Variants in SEMA6A observed in about 807,000 individuals in gnomAD.
SEMA6A encodes the protein semaphorin-6A.
A neutral mutation model predicts 96.8 loss-of-function variants in SEMA6A; 25 were observed. That is an observed-to-expected ratio of 0.26 (90% CI 0.19 to 0.36). The LOEUF (loss-of-function observed/expected upper bound fraction) is 0.36. Ranked by LOEUF, SEMA6A falls within the 10% of genes least tolerant of loss-of-function variation. The probability of loss-of-function intolerance (pLI) is 1.00; values close to 1 mark genes in which losing one functional copy is unlikely to be tolerated. For missense variants in SEMA6A, 1,363 were observed against 1,323.1 expected, an observed-to-expected ratio of 1.03 and a Z score of -0.47; for synonymous variants, 612 against 518.0, an observed-to-expected ratio of 1.18 and a Z score of -2.46.
Position 116,447,061 on chromosome 5 carries a change from G to A in SEMA6A, c.2645C>T (p.Pro882Leu). 3 of 1,613,954 alleles carry A rather than the reference G, an allele frequency of 1.9e-6. No individual in the cohort carries two copies. Among genetic ancestry groups the A allele is most frequent in the Non-Finnish European group, 2.5e-6 (3 of 1,179,866 alleles). The change falls in exon 19 of 19, where the codon CCA becomes CTA. Residue 882 changes from proline (P) to leucine (L), a missense_variant. This residue lies in a region of SEMA6A where 883 missense variants were observed against 763.6 expected (regional missense o/e 1.16). Coordinates refer to ENST00000343348, the MANE Select transcript of SEMA6A (RefSeq NM_020796.5). ...GGGACCCAGGGAGGCCTCCCGCTGT[G>A]GAACTTTGGGGGGCAGGCTGTCCAG... ...ENLDSLPPKV[P>L]QREASLGPPG...
intron 16 of SEMA6A, among the ~76,000 whole-genome samples, chr5:116,474,508 T>C (rs923519816): frequency 3.3e-5 from 5 of 152,222 alleles, no homozygotes; most frequent in African/African-American, 4.8e-5. Context: ...TTTTTGCCAA[T>C]ATATAATATT....
At chr5:116,539,736 A>G (rs781631858) in intron 1 of SEMA6A, among the ~76,000 whole-genome samples, 1 of 152,180 alleles carries the variant, frequency 6.6e-6, no homozygotes, top group Non-Finnish European at 1.5e-5. Context: ...AACCATTTCC[A>G]TCAGTGGTGG....
intron 4 of SEMA6A, 95 bp downstream of exon 4, chr5:116,497,232 T>G: frequency 1.4e-6 from 1 of 715,296 alleles, no homozygotes; most frequent in South Asian, 2.0e-5. Flanking sequence ...AAATTATGAT[T>G]AGCTACATCA....
chr5:116,471,836 T>C (rs565381981), intron 17 of SEMA6A, among the ~76,000 whole-genome samples: 26 of 152,340 alleles, frequency 1.7e-4, no homozygotes, highest in African/African-American at 6.0e-4. Context: ...TTAAACACAT[T>C]TGTAGCCATC....
At chr5:116,476,010 T>G (rs1457953166) in intron 15 of SEMA6A, among the ~76,000 whole-genome samples, 1 of 152,192 alleles carries the variant, frequency 6.6e-6, no homozygotes, top group African/African-American at 2.4e-5. Flanking sequence ...ACTCCTACCC[T>G]TGCCTTCCTA....
intron 1 of SEMA6A, among the ~76,000 whole-genome samples, chr5:116,539,309 A>G (rs1429077958): frequency 6.6e-6 from 1 of 152,204 alleles, no homozygotes; most frequent in African/African-American, 2.4e-5. Context: ...TCTGAAGTAT[A>G]TGTCACATAT....
chr5:116,507,992 T>C (rs1170648396), intron 1 of SEMA6A: 2 of 152,172 alleles, frequency 1.3e-5, no homozygotes, highest in Non-Finnish European at 2.9e-5. Flanking sequence ...TGAAACTAAT[T>C]TGTATTGACT....
intron 1 of SEMA6A, among the ~76,000 whole-genome samples, chr5:116,505,931 A>G (rs1284592775): frequency 2.0e-5 from 3 of 152,030 alleles, no homozygotes; most frequent in African/African-American, 7.2e-5. Context: ...TCTCAGGCAT[A>G]TTGCAAATAA....
chr5:116,502,435 A>G (rs1757930518), intron 2 of SEMA6A, 108 bp from the exon 3 acceptor site: 1 of 815,810 alleles, frequency 1.2e-6, no homozygotes, highest in African/African-American at 1.7e-5. Context: ...TGTTTAAGTC[A>G]GACCATGCCA....
At chr5:116,569,005 T>C (rs1413686262) in intron 1 of SEMA6A, among the ~76,000 whole-genome samples, 2 of 152,258 alleles carry the variant, frequency 1.3e-5, no homozygotes, top group Non-Finnish European at 2.9e-5. Context: ...ACACTTGTTA[T>C]GGATGGCCCA....
intron 3 of SEMA6A, 84 bp downstream of exon 3, chr5:116,502,126 C>A: frequency 9.7e-7 from 1 of 1,031,226 alleles, no homozygotes; most frequent in Non-Finnish European, 1.5e-6. Flanking sequence ...ACCTCAAGAT[C>A]TTAAAAATAA....
intron 17 of SEMA6A, 126 bp downstream of exon 17, chr5:116,472,947 T>C (rs1756239797): frequency 6.6e-7 from 1 of 1,525,534 alleles, no homozygotes; most frequent in South Asian, 1.2e-5. Context: ...TATAAAAAAA[T>C]GATGAGGATA....
intron 18 of SEMA6A, chr5:116,449,833 ATTTTCAAATGTGATAC>A (rs1016669282): frequency 6.6e-6 from 1 of 152,404 alleles, no homozygotes; most frequent in Non-Finnish European, 1.5e-5. Flanking sequence ...ATATCAAATA[ATTTTCAAATGTGATAC>A]TTTTCAAATA....
At chr5:116,465,209 C>T in intron 18 of SEMA6A, among the ~76,000 whole-genome samples, 1 of 152,136 alleles carries the variant, frequency 6.6e-6, no homozygotes, top group East Asian at 1.9e-4. Flanking sequence ...CAGATTCGTT[C>T]AAGTTAAGGG....
intron 1 of SEMA6A, among the ~76,000 whole-genome samples, chr5:116,534,355 AACACACAG>A (rs1202478393): frequency 6.6e-6 from 1 of 152,192 alleles, no homozygotes; most frequent in African/African-American, 2.4e-5. Flanking sequence ...CACTTATAAC[AACACACAG>A]ACTCCACATC....
At chr5:116,498,316 C>CGTCTCCCATACAGACTTTTAA (rs1757703754) in intron 3 of SEMA6A, 1 of 152,084 alleles carries the variant, frequency 6.6e-6, no homozygotes, top group Admixed American at 6.5e-5. Context: ...ACCAGGACCT[C>CGTCTCCCATACAGACTTTTAA]GTCTCCCATA....
At position 116,445,462 on chromosome 5, in the gene SEMA6A, T is replaced by G. The variant is rs1035585189; in HGVS notation, c.*1151A>C. On this transcript the variant is annotated 3_prime_UTR_variant, in exon 19 of 19. Coordinates refer to ENST00000343348, the MANE Select transcript of SEMA6A (RefSeq NM_020796.5). ...GTCTCACATGCAAGGTGAAATGGGA[T>G]GGCATATTGCAAGCTGGTGCCTTCA... 9.8e-5 allele frequency: 15 copies of G among 152,686 alleles called. No individual in the cohort carries two copies. Among genetic ancestry groups the G allele is most frequent in the African/African-American group, 3.1e-4 (13 of 41,470 alleles). 9.5% of individuals were successfully genotyped at this position (152,686 alleles called of 1,614,324 possible). A position where few individuals can be genotyped will look rare whatever the true frequency, so the allele number is the denominator to read the frequency against.
intron 17 of SEMA6A, chr5:116,471,130 T>C (rs943266345): frequency 3.3e-5 from 5 of 152,242 alleles, no homozygotes; most frequent in African/African-American, 1.2e-4. Context: ...TCACACTGAA[T>C]AGATTTAGCC....
At chr5:116,525,373 G>A (rs1185133499) in intron 1 of SEMA6A, among the ~76,000 whole-genome samples, 1 of 152,064 alleles carries the variant, frequency 6.6e-6, no homozygotes. Flanking sequence ...AAGAGCTCCT[G>A]GCCCATGAAG....
Sources: gnomAD v4.1 joint callset for allele counts (sites outside exome capture counted in the v4.1 genomes callset) on GRCh38, gnomAD v4.1.1 for gene constraint, gnomAD v4.1.1 regional missense constraint, MANE v1.5 for transcripts, NCBI Gene and HGNC (gene_info 2026-07-23, HGNC 2026-07-21) for gene names.